The following EXOC4 variants were observed in gnomAD, a reference collection of about 807,000 sequenced individuals.
The protein encoded by EXOC4 is SEC8-like 1.
In EXOC4, 71 loss-of-function variants were observed where a neutral mutation model predicts 107.2. That is an observed-to-expected ratio of 0.66 (90% confidence interval 0.55 to 0.81). The LOEUF (loss-of-function observed/expected upper bound fraction) is 0.81, where lower values mean the gene tolerates loss of function less well. Among genes scored for constraint, EXOC4 ranks in the 30% least tolerant of loss-of-function variants. The pLI, the probability that EXOC4 is intolerant of heterozygous loss-of-function variation, is 0.00. For missense variants in EXOC4, 1,108 were observed against 1,189.6 expected, an observed-to-expected ratio of 0.93 and a Z score of 1.01; for synonymous variants, 456 against 441.2, an observed-to-expected ratio of 1.03 and a Z score of -0.42.
intron 10 of EXOC4, chr7:133,768,564 T>C (rs964182566): frequency 6.6e-6 from 1 of 151,974 alleles, no homozygotes; most frequent in Non-Finnish European, 1.5e-5. Context: ...TAATGAACCT[T>C]AATTGGCAAA....
At chr7:133,299,741 T>C (rs1384084616) in intron 3 of EXOC4, among the ~76,000 whole-genome samples, 2 of 152,160 alleles carry the variant, frequency 1.3e-5, no homozygotes, top group Admixed American at 1.3e-4. Flanking sequence ...CCTCCCTTCA[T>C]TCACTTATCA....
chr7:133,490,517 A>G (rs1043211984), intron 9 of EXOC4, among the ~76,000 whole-genome samples: 1 of 152,242 alleles, frequency 6.6e-6, no homozygotes, highest in Non-Finnish European at 1.5e-5. Context: ...CAGGCACAGT[A>G]TGGGTAAATG....
At chr7:133,953,692 T>C (rs562688412) in intron 14 of EXOC4, among the ~76,000 whole-genome samples, 1 of 152,200 alleles carries the variant, frequency 6.6e-6, no homozygotes, top group Admixed American at 6.5e-5. Flanking sequence ...CCCTAGATAG[T>C]ACCCTCCTTT....
At chr7:133,920,351 T>C (rs912422170) in intron 13 of EXOC4, among the ~76,000 whole-genome samples, 2 of 152,216 alleles carry the variant, frequency 1.3e-5, no homozygotes, top group Non-Finnish European at 2.9e-5. Flanking sequence ...CTCTTCACGA[T>C]GTCTTTTGCA....
chr7:133,648,084 G>A (rs781530190), intron 10 of EXOC4, among the ~76,000 whole-genome samples: 6 of 152,048 alleles, frequency 3.9e-5, no homozygotes, highest in East Asian at 3.9e-4. Context: ...CTAATTACTC[G>A]CATAACTTAA....
chr7:134,036,121 A>C (rs12535496), intron 17 of EXOC4, among the ~76,000 whole-genome samples: 20 of 152,246 alleles, frequency 1.3e-4, no homozygotes, highest in Non-Finnish European at 2.2e-4. Context: ...ATAAGTGTTC[A>C]TACCAGTAGA....
At chr7:133,526,710 G>A (rs917995816) in intron 9 of EXOC4, among the ~76,000 whole-genome samples, 3 of 152,150 alleles carry the variant, frequency 2.0e-5, no homozygotes, top group Admixed American at 6.5e-5. Flanking sequence ...AGTGGCTTTC[G>A]CCTATAGTCC....
chr7:133,565,047 T>C (rs1352354823), intron 9 of EXOC4, among the ~76,000 whole-genome samples: 1 of 152,158 alleles, frequency 6.6e-6, no homozygotes, highest in Non-Finnish European at 1.5e-5. Flanking sequence ...TGTCGAGTTT[T>C]AGTTAGAGTT....
chr7:133,323,422 G>A (rs185440082), intron 5 of EXOC4, among the ~76,000 whole-genome samples: 1 of 152,172 alleles, frequency 6.6e-6, no homozygotes, highest in Admixed American at 6.5e-5. Context: ...TTAGCGTAAA[G>A]GGGTGTTGAA....
At chr7:134,014,665 G>T (rs1202530602) in intron 17 of EXOC4, among the ~76,000 whole-genome samples, 1 of 152,108 alleles carries the variant, frequency 6.6e-6, no homozygotes, top group Non-Finnish European at 1.5e-5. Context: ...TCTTTGGGGG[G>T]TGATGAAAAT....
intron 11 of EXOC4, among the ~76,000 whole-genome samples, chr7:133,846,673 C>A (rs368072865): frequency 1.3e-5 from 2 of 152,212 alleles, no homozygotes; most frequent in Non-Finnish European, 2.9e-5. Context: ...TGCAGCTATG[C>A]GGCTCTGCCT....
intron 7 of EXOC4, among the ~76,000 whole-genome samples, chr7:133,405,720 T>A (rs945338093): frequency 6.6e-6 from 1 of 152,194 alleles, no homozygotes; most frequent in African/African-American, 2.4e-5. Flanking sequence ...AACTTATAAA[T>A]TAGGCACAGT....
intron 8 of EXOC4, chr7:133,479,598 C>T: frequency 6.1e-6 from 1 of 164,916 alleles, no homozygotes; most frequent in Admixed American, 5.8e-5. Context: ...AGTCCTCTAC[C>T]TGTGGAAGTT....
At chr7:133,583,591 A>G (rs996341603) in intron 9 of EXOC4, among the ~76,000 whole-genome samples, 1 of 152,222 alleles carries the variant, frequency 6.6e-6, no homozygotes, top group Non-Finnish European at 1.5e-5. Flanking sequence ...ATTATCATAT[A>G]TGAAGCTTCT....
chr7:133,845,315 A>G (rs952001675), intron 11 of EXOC4, among the ~76,000 whole-genome samples: 2 of 146,926 alleles, frequency 1.4e-5, no homozygotes, highest in African/African-American at 5.1e-5. Context: ...TGGGCCAACT[A>G]GCATGATAGG....
At chr7:133,809,073 A>C (rs1360457963) in intron 10 of EXOC4, among the ~76,000 whole-genome samples, 2 of 152,188 alleles carry the variant, frequency 1.3e-5, no homozygotes, top group East Asian at 3.9e-4. Context: ...GGGAATGTGC[A>C]TTTTATTTTC....
intron 12 of EXOC4, among the ~76,000 whole-genome samples, chr7:133,899,319 T>G (rs570102961): frequency 6.6e-6 from 1 of 152,352 alleles, no homozygotes; most frequent in South Asian, 2.1e-4. Flanking sequence ...TGTTTTAAGT[T>G]CTTGCAGCTT....
intron 17 of EXOC4, among the ~76,000 whole-genome samples, chr7:134,063,220 C>G (rs1391314423): frequency 6.6e-6 from 1 of 152,190 alleles, no homozygotes; most frequent in African/African-American, 2.4e-5. Flanking sequence ...TTTGCTCATG[C>G]TCTTCCCTCC....
At chr7:133,821,948 A>G (rs559132646) in intron 11 of EXOC4, among the ~76,000 whole-genome samples, 1 of 152,340 alleles carries the variant, frequency 6.6e-6, no homozygotes, top group African/African-American at 2.4e-5. Flanking sequence ...TGCGCATGGT[A>G]TAAAACTCAT....
Sources: allele counts gnomAD v4.1 joint callset (sites outside exome capture counted in the v4.1 genomes callset), GRCh38; gene constraint gnomAD v4.1.1; transcripts MANE v1.5; gene names NCBI Gene and HGNC (gene_info 2026-07-23, HGNC 2026-07-21).